Variants in RIMS1 observed in about 807,000 individuals in gnomAD.
RIMS1 encodes regulating synaptic membrane exocytosis 1, also known as regulating synaptic membrane exocytosis protein 1.
In RIMS1, 83 loss-of-function variants were observed where a neutral mutation model predicts 214.1. The ratio of observed to expected loss-of-function variants is 0.39; its 90% confidence interval spans 0.32 to 0.47. RIMS1 has a LOEUF of 0.47. RIMS1 is among the 20% of genes least tolerant of loss of function. RIMS1 has a pLI of 0.99. For missense variants in RIMS1, 2,050 were observed against 2,161.8 expected, an observed-to-expected ratio of 0.95 and a Z score of 1.03; for synonymous variants, 793 against 786.8, an observed-to-expected ratio of 1.01 and a Z score of -0.13.
chr6:72,012,307 A>G lies in RIMS1; in HGVS notation c.245+43244A>G, dbSNP rs77004207. Among the ~76,000 whole-genome samples the G allele has an allele frequency of 6.6e-5, 10 of 152,254 alleles. No homozygotes were observed. The East Asian group carries it at 1.9e-3, about 29-fold the overall frequency. ...AGAACACGTGGACACAGGAAGGGGA[A>G]CATGACACACTGGGCCCTGTTGTAG... is the stretch of plus-strand genomic sequence containing the variant. On this transcript the variant is annotated intron_variant, in intron 2 of 33. Transcript: ENST00000521978.
At chr6:72,152,567 A>G (rs1162455261) in intron 4 of RIMS1, among the ~76,000 whole-genome samples, 1 of 151,930 alleles carries the variant, frequency 6.6e-6, no homozygotes, top group Admixed American at 6.6e-5. Flanking sequence ...TATATCTACA[A>G]TGTATGTGCA....
intron 6 of RIMS1, among the ~76,000 whole-genome samples, chr6:72,229,575 T>A (rs2061336330): frequency 6.6e-6 from 1 of 151,890 alleles, no homozygotes; most frequent in South Asian, 2.1e-4. Flanking sequence ...AGCAAATTAT[T>A]GCTTATTTAT....
intron 24 of RIMS1, 114 bp from the exon 25 acceptor site, chr6:72,290,565 T>A: frequency 2.4e-6 from 2 of 830,758 alleles, no homozygotes; most frequent in Non-Finnish European, 3.7e-6. Flanking sequence ...TGGGTTCTCT[T>A]CTTTGAAATT....
chr6:71,959,161 G>A (rs1792170791), intron 1 of RIMS1, among the ~76,000 whole-genome samples: 1 of 152,068 alleles, frequency 6.6e-6, no homozygotes, highest in Non-Finnish European at 1.5e-5. Context: ...TTTTACAAAA[G>A]TAAAAGCCCA....
In RIMS1 at chr6:72,200,364, T is replaced by C. The variant is rs984087501; in HGVS notation, c.1678+17215T>C. ...TCAAAAGAGTCCACCTGATTTCTTT[T>C]GTGCTTTTCCCTTTTATCTACATCT... is the stretch of plus-strand genomic sequence containing the variant. On this transcript the variant is annotated intron_variant, in intron 6 of 33. Transcript: ENST00000521978. 3.9e-5 allele frequency among the ~76,000 whole-genome samples: 6 copies of C among 152,198 alleles called. No individual in the cohort carries two copies. The South Asian group carries it at 1.2e-3, about 31-fold the overall frequency.
intron 2 of RIMS1, among the ~76,000 whole-genome samples, chr6:72,023,767 A>G (rs1815463548): frequency 6.6e-6 from 1 of 152,142 alleles, no homozygotes; most frequent in South Asian, 2.1e-4. Flanking sequence ...AATTTATTTC[A>G]TGCTGAATTT....
chr6:72,042,731 C>T (rs1337872544), intron 2 of RIMS1, among the ~76,000 whole-genome samples: 1 of 151,752 alleles, frequency 6.6e-6, no homozygotes, highest in African/African-American at 2.4e-5. Flanking sequence ...ACAATCTGTT[C>T]TATCTTTAGG....
At chr6:72,170,546 T>C (rs2046889999) in intron 4 of RIMS1, among the ~76,000 whole-genome samples, 1 of 152,118 alleles carries the variant, frequency 6.6e-6, no homozygotes, top group Non-Finnish European at 1.5e-5. Flanking sequence ...GGTTTCACTA[T>C]GTTGGCCAAG....
intron 16 of RIMS1, among the ~76,000 whole-genome samples, chr6:72,254,525 TTA>T (rs1289860995): frequency 2.0e-5 from 3 of 152,216 alleles, no homozygotes; most frequent in African/African-American, 7.2e-5. Flanking sequence ...ATCTTAACTA[TTA>T]GTCAGCCTTA....
intron 9 of RIMS1, among the ~76,000 whole-genome samples, chr6:72,241,657 A>G (rs2066973551): frequency 6.6e-6 from 1 of 152,196 alleles, no homozygotes; most frequent in Non-Finnish European, 1.5e-5. Flanking sequence ...TATGTATAGT[A>G]CATATGTGTT....
At chr6:72,294,250 G>A (rs1404750558) in intron 26 of RIMS1, among the ~76,000 whole-genome samples, 4 of 151,634 alleles carry the variant, frequency 2.6e-5, no homozygotes, top group Non-Finnish European at 5.9e-5. Context: ...ATAGGATTTA[G>A]CATGTTCTAT....
rs575559486 is a variant in RIMS1, at chr6:71,931,316, G to T, written c.165-37667G>T. On this transcript the variant is annotated intron_variant, in intron 1 of 33. Coordinates refer to ENST00000521978, the MANE Select transcript of RIMS1 (RefSeq NM_014989.7). ...GCAAGAAAATCTGACAGTAATATAA[G>T]ATTTGACCCGAAGAAACACAATCTT... is the stretch of plus-strand genomic sequence containing the variant. Among the ~76,000 whole-genome samples, 18 of 152,068 alleles carry T rather than the reference G, an allele frequency of 1.2e-4. No homozygotes were observed. The South Asian group carries it at 3.3e-3, about 28-fold the overall frequency.
intron 6 of RIMS1, among the ~76,000 whole-genome samples, chr6:72,190,028 G>A (rs571888167): frequency 6.6e-6 from 1 of 152,192 alleles, no homozygotes; most frequent in South Asian, 2.1e-4. Context: ...CCAAACCATT[G>A]GCCATAGCCT....
rs201779879 is a variant in RIMS1 at position 72,083,339 on chromosome 6, TG to T, written c.246-13609del. ...TTTTAGAATCTCCTTTCTTTTTTTT[TG>T]TTTGTTGTGAATCAGCAATGACCAT... On this transcript the variant is annotated intron_variant, in intron 2 of 33. Transcript: ENST00000521978. Among the ~76,000 whole-genome samples, 607 of 152,276 alleles carry T rather than the reference TG, an allele frequency of 4.0e-3. 1 individual carries two copies. Among genetic ancestry groups the T allele is most frequent in the African/African-American group, 0.013 (556 of 41,550 alleles).
intron 2 of RIMS1, among the ~76,000 whole-genome samples, chr6:72,081,454 C>G (rs1833372287): frequency 6.6e-6 from 1 of 152,088 alleles, no homozygotes; most frequent in African/African-American, 2.4e-5. Context: ...TCATATTATT[C>G]AAAGTTTCGC....
intron 6 of RIMS1, among the ~76,000 whole-genome samples, chr6:72,184,466 T>G (rs2048822159): frequency 6.6e-6 from 1 of 152,164 alleles, no homozygotes; most frequent in Admixed American, 6.5e-5. Context: ...AAATGCAGCT[T>G]TTATGTGGCT....
chr6:72,238,549 A>G (rs1490315209), intron 9 of RIMS1, among the ~76,000 whole-genome samples: 1 of 152,184 alleles, frequency 6.6e-6, no homozygotes, highest in Non-Finnish European at 1.5e-5. Flanking sequence ...ATGTAAATGT[A>G]TCATATATTA....
intron 4 of RIMS1, among the ~76,000 whole-genome samples, chr6:72,106,353 G>A (rs1392204717): frequency 1.3e-5 from 2 of 152,126 alleles, no homozygotes; most frequent in African/African-American, 4.8e-5. Flanking sequence ...GGAAAGAGTA[G>A]AAAACTAAAT....
chr6:72,029,447 C>T (rs953941820), intron 2 of RIMS1, among the ~76,000 whole-genome samples: 13 of 152,016 alleles, frequency 8.6e-5, no homozygotes, highest in South Asian at 2.1e-4. Context: ...CCATTACAAA[C>T]GAGGCTGAAT....
Sources: allele counts gnomAD v4.1 joint callset (sites outside exome capture counted in the v4.1 genomes callset), GRCh38; gene constraint gnomAD v4.1.1; transcripts MANE v1.5; gene names NCBI Gene and HGNC (gene_info 2026-07-23, HGNC 2026-07-21).